CTNNA3: variants seen among roughly 807,000 people sequenced by gnomAD.
The protein encoded by CTNNA3 is catenin alpha-3.
CTNNA3 carries 76 observed loss-of-function variants against 95.7 expected under a neutral mutation model. The ratio of observed to expected loss-of-function variants is 0.79; its 90% confidence interval spans 0.66 to 0.96. CTNNA3 has a LOEUF of 0.96. Among genes scored for constraint, CTNNA3 ranks in the 40% least tolerant of loss-of-function variants. CTNNA3 has a pLI of 0.00. For synonymous variants in CTNNA3, 431 were observed against 374.4 expected, an observed-to-expected ratio of 1.15 and a Z score of -1.74; for missense variants, 1,191 against 1,089.8, an observed-to-expected ratio of 1.09 and a Z score of -1.31.
intron 5 of CTNNA3, among the ~76,000 whole-genome samples, chr10:67,446,932 C>T (rs1044199914): frequency 4.6e-5 from 7 of 152,158 alleles, no homozygotes; most frequent in African/African-American, 1.4e-4. Flanking sequence ...GGTGAAACCC[C>T]GTCTCTCCTA....
chr10:67,388,286 G>A (rs1418212677), intron 5 of CTNNA3, among the ~76,000 whole-genome samples: 4 of 134,664 alleles, frequency 3.0e-5, no homozygotes, highest in Non-Finnish European at 6.3e-5. Flanking sequence ...GAGCCGATGC[G>A]ATCAACTGGA....
intron 5 of CTNNA3, among the ~76,000 whole-genome samples, chr10:67,366,834 C>T (rs913141910): frequency 3.3e-5 from 5 of 152,078 alleles, no homozygotes; most frequent in Non-Finnish European, 7.4e-5. Context: ...AACTGGACCC[C>T]TACCTCTAAC....
intron 7 of CTNNA3, among the ~76,000 whole-genome samples, chr10:67,161,348 C>G (rs2394354): frequency 6.6e-6 from 1 of 151,420 alleles, no homozygotes; most frequent in African/African-American, 2.4e-5. Context: ...AACAGTCTTA[C>G]GTGTTTCTCA....
At chr10:67,725,181 T>A (rs894985553) in intron 1 of CTNNA3, among the ~76,000 whole-genome samples, 1 of 112,106 alleles carries the variant, frequency 8.9e-6, no homozygotes, top group Non-Finnish European at 1.7e-5. Context: ...TAATTTACCT[T>A]TTTTTTTTTT....
At chr10:67,451,271 T>C (rs566491961) in intron 5 of CTNNA3, among the ~76,000 whole-genome samples, 2 of 152,200 alleles carry the variant, frequency 1.3e-5, no homozygotes, top group South Asian at 4.1e-4. Flanking sequence ...CAAATAAATA[T>C]GTTTTCTTTA....
At chr10:67,280,440 C>G (rs1025807885) in intron 5 of CTNNA3, among the ~76,000 whole-genome samples, 4 of 138,738 alleles carry the variant, frequency 2.9e-5, no homozygotes, top group African/African-American at 1.1e-4. Context: ...TCTTGTCTCA[C>G]AACCAGGAAA....
chr10:66,792,437 G>C (rs995009213), intron 7 of CTNNA3, among the ~76,000 whole-genome samples: 1 of 152,046 alleles, frequency 6.6e-6, no homozygotes, highest in Non-Finnish European at 1.5e-5. Context: ...AATTATTTAT[G>C]TCTAGGTGGG....
At chr10:67,253,648 G>A (rs1040953181) in intron 5 of CTNNA3, among the ~76,000 whole-genome samples, 2 of 152,204 alleles carry the variant, frequency 1.3e-5, no homozygotes, top group African/African-American at 4.8e-5. Context: ...TGGGAGTAGA[G>A]AATGCAGAGT....
At chr10:67,604,621 G>T (rs957844663) in intron 3 of CTNNA3, among the ~76,000 whole-genome samples, 1 of 152,164 alleles carries the variant, frequency 6.6e-6, no homozygotes, top group Non-Finnish European at 1.5e-5. Context: ...GAACCTGACT[G>T]ATAAAAGAAT....
rs562725194 is a variant in CTNNA3 at position 67,725,189 on chromosome 10, T to C, written c.-2+38245A>G. On this transcript the variant is annotated intron_variant, in intron 1 of 17. Transcript: ENST00000684154. Reference sequence around the variant, plus strand: ...AATTTATTAATTTACCTTTTTTTTTTTTTTGAGACGGGAGTCTCGCTCTGT... The same window carrying C: ...AATTTATTAATTTACCTTTTTTTTTCTTTTGAGACGGGAGTCTCGCTCTGT... Among the ~76,000 whole-genome samples the C allele has an allele frequency of 4.0e-3, 610 of 151,752 alleles. 6 individuals are homozygous for C. Among genetic ancestry groups the C allele is most frequent in the Non-Finnish European group, 3.8e-3 (257 of 67,846 alleles).
intron 13 of CTNNA3, among the ~76,000 whole-genome samples, chr10:66,275,655 A>G (rs557526055): frequency 1.3e-5 from 2 of 152,328 alleles, no homozygotes; most frequent in South Asian, 4.1e-4. Flanking sequence ...GACCATTTCC[A>G]AACTTAATTC....
intron 5 of CTNNA3, among the ~76,000 whole-genome samples, chr10:67,346,988 A>G (rs1002014154): frequency 6.6e-6 from 1 of 152,044 alleles, no homozygotes; most frequent in African/African-American, 2.4e-5. Flanking sequence ...ATGAGTTAAA[A>G]TTATGAGAAT....
chr10:67,119,492 T>C (rs4746660), intron 7 of CTNNA3, among the ~76,000 whole-genome samples: 3,337 of 152,070 alleles, frequency 0.022, 101 homozygotes, highest in African/African-American at 0.07. Context: ...AATGAACCTC[T>C]GTTAGAACCT....
chr10:66,973,708 C>G (rs1849859601), intron 7 of CTNNA3, among the ~76,000 whole-genome samples: 1 of 152,152 alleles, frequency 6.6e-6, no homozygotes, highest in African/African-American at 2.4e-5. Flanking sequence ...ACTGCAACCT[C>G]CATCTCCCAG....
At chr10:67,134,235 A>G (rs2132026603) in intron 7 of CTNNA3, among the ~76,000 whole-genome samples, 1 of 152,254 alleles carries the variant, frequency 6.6e-6, no homozygotes, top group South Asian at 2.1e-4. Flanking sequence ...GGGGTGATTC[A>G]GGTAGACACA....
chr10:66,467,773 T>G (rs1033806252), intron 11 of CTNNA3, among the ~76,000 whole-genome samples: 1 of 152,104 alleles, frequency 6.6e-6, no homozygotes, highest in African/African-American at 2.4e-5. Context: ...TCTTGGACTT[T>G]GTATCATAGC....
intron 6 of CTNNA3, among the ~76,000 whole-genome samples, chr10:67,208,328 G>A (rs1359298739): frequency 2.1e-5 from 3 of 144,540 alleles, no homozygotes; most frequent in Admixed American, 7.1e-5. Context: ...GCAGTGAGCC[G>A]AGATCGTGCC....
At chr10:65,970,622 C>T (rs2078075496) in intron 16 of CTNNA3, among the ~76,000 whole-genome samples, 1 of 149,210 alleles carries the variant, frequency 6.7e-6, no homozygotes, top group Admixed American at 6.7e-5. Context: ...AGAGGAGCGG[C>T]TATTATATTA....
intron 13 of CTNNA3, among the ~76,000 whole-genome samples, chr10:66,185,472 GA>G (rs1267107075): frequency 1.2e-4 from 18 of 151,822 alleles, no homozygotes; most frequent in South Asian, 1.0e-3. Context: ...CAATGCATTT[GA>G]AAAAAATCTA....
Sources: gnomAD v4.1 joint callset for allele counts (sites outside exome capture counted in the v4.1 genomes callset) on GRCh38, gnomAD v4.1.1 for gene constraint, MANE v1.5 for transcripts, NCBI Gene and HGNC (gene_info 2026-07-23, HGNC 2026-07-21) for gene names.